RDH12: variants seen among roughly 807,000 people sequenced by gnomAD.
RDH12 encodes retinol dehydrogenase 12, also known as all-trans and 9-cis retinol dehydrogenase.
RDH12 carries 21 observed loss-of-function variants against 34.0 expected under a neutral mutation model. The observed-to-expected ratio is 0.62, with a 90% CI of 0.44 to 0.89. The LOEUF (loss-of-function observed/expected upper bound fraction) is 0.89. RDH12 is among the 40% of genes least tolerant of loss of function. The pLI is 0.00. For synonymous variants in RDH12, 198 were observed against 169.9 expected (o/e 1.17, Z -1.29); for missense variants, 394 against 398.6 (o/e 0.99, Z 0.10).
At chr14:67,710,076 T>C (rs751727652) in intron 1 of RDH12, among the ~76,000 whole-genome samples, 2 of 152,188 alleles carry the variant, frequency 1.3e-5, no homozygotes, top group African/African-American at 2.4e-5. Context: ...GCCTTTGTTT[T>C]AAGTTGTTCC....
At chr14:67,702,668 C>T (rs1008542904) in intron 1 of RDH12, among the ~76,000 whole-genome samples, 7 of 152,096 alleles carry the variant, frequency 4.6e-5, no homozygotes, top group African/African-American at 1.4e-4. Flanking sequence ...ACTTGGAAAA[C>T]CTTTGGGCTT....
At chr14:67,728,385 A>G (rs2038217567) in intron 7 of RDH12, among the ~76,000 whole-genome samples, 2 of 152,214 alleles carry the variant, frequency 1.3e-5, no homozygotes, top group Admixed American at 1.3e-4. Context: ...ATGAAAAGAC[A>G]GGCACTGACA....
At position 67,729,566 on chromosome 14, in the gene RDH12, G is replaced by T. The variant is rs929590525; in HGVS notation, c.848+186G>T. 1.1e-5 allele frequency: 7 copies of T among 664,834 alleles called. No individual in the cohort carries two copies. The African/African-American group carries it at 1.3e-4, about 12-fold the overall frequency. The allele number at this position is 664,834 out of a possible 1,614,324, so 41.2% of individuals were successfully genotyped here. On this transcript the variant is annotated intron_variant, in intron 8 of 8. Transcript: ENST00000551171. ...ACAGTACAAACTTATGTGTTGGGAAGAGTTGCTTTTCTGGCTTTATTTTAT... is the reference window on the plus strand; with the variant it reads ...ACAGTACAAACTTATGTGTTGGGAATAGTTGCTTTTCTGGCTTTATTTTAT...
In RDH12 at chr14:67,733,874, AG is replaced by A. The variant is rs754752265; in HGVS notation, c.*28del. ...CTGGTGGAAGAGCTGCAGCTTTATC[AG>A]GCCCAATCCATGCCATAATGAACAG... On this transcript the variant is annotated 3_prime_UTR_variant, in exon 9 of 9. Transcript: ENST00000551171. The A allele has an allele frequency of 6.5e-7, 1 of 1,535,102 alleles. No individual in the cohort carries two copies.
At chr14:67,712,360 GTTT>G (rs1221196763) in intron 1 of RDH12, among the ~76,000 whole-genome samples, 3 of 151,870 alleles carry the variant, frequency 2.0e-5, no homozygotes, top group Admixed American at 6.6e-5. Context: ...TGTTGTTGTT[GTTT>G]TTTGTTTTTT....
intron 4 of RDH12, 138 bp downstream of exon 4, chr14:67,724,729 T>C (rs2038165200): frequency 2.7e-6 from 2 of 734,814 alleles, no homozygotes; most frequent in African/African-American, 1.7e-5. Flanking sequence ...GGGATTCAAG[T>C]CCAACTGTGA....
At chr14:67,712,970 C>G (rs993073112) in intron 1 of RDH12, among the ~76,000 whole-genome samples, 1 of 151,788 alleles carries the variant, frequency 6.6e-6, no homozygotes, top group Non-Finnish European at 1.5e-5. Flanking sequence ...TTAACCACTT[C>G]AGAGGACTTA....
intron 1 of RDH12, among the ~76,000 whole-genome samples, chr14:67,718,207 T>C (rs909135089): frequency 6.6e-6 from 1 of 152,076 alleles, no homozygotes; most frequent in African/African-American, 2.4e-5. Context: ...CTTAGGGAAG[T>C]TGGGCAGGGC....
chr14:67,713,464 A>C (rs946232942), intron 1 of RDH12, among the ~76,000 whole-genome samples: 2 of 151,116 alleles, frequency 1.3e-5, no homozygotes, highest in Non-Finnish European at 2.9e-5. Flanking sequence ...ATCTTGACCA[A>C]ATTTTGGGAC....
At chr14:67,729,475 T>A in intron 8 of RDH12, 95 bp downstream of exon 8, 1 of 1,256,012 alleles carries the variant, frequency 8.0e-7, no homozygotes, top group African/African-American at 1.5e-5. Context: ...AGTTTGTGCC[T>A]GATGATGCAA....
At chr14:67,709,852 T>C (rs1035334057) in intron 1 of RDH12, among the ~76,000 whole-genome samples, 8 of 152,122 alleles carry the variant, frequency 5.3e-5, no homozygotes, top group Non-Finnish European at 1.2e-4. Context: ...AGGAAATATC[T>C]TGGGCCCCCA....
At chr14:67,727,489 T>TTTTTTTTTTG (rs2038203996) in intron 7 of RDH12, 1 of 354,624 alleles carries the variant, frequency 2.8e-6, no homozygotes, top group Non-Finnish European at 5.4e-6. Context: ...TTTTTTGTTT[T>TTTTTTTTTTG]TTTTTTTTTG....
intron 1 of RDH12, among the ~76,000 whole-genome samples, chr14:67,707,693 C>T (rs1456678047): frequency 6.6e-6 from 1 of 152,184 alleles, no homozygotes; most frequent in African/African-American, 2.4e-5. Flanking sequence ...TTTGATGAAA[C>T]TGTGTTCTGT....
chr14:67,709,818 T>C (rs1201657434), intron 1 of RDH12, among the ~76,000 whole-genome samples: 1 of 152,160 alleles, frequency 6.6e-6, no homozygotes, highest in Non-Finnish European at 1.5e-5. Context: ...CACAAGTACT[T>C]TAAAAGAGCA....
At chr14:67,724,684 G>A (rs2038164794) in intron 4 of RDH12, 93 bp downstream of exon 4, 2 of 977,364 alleles carry the variant, frequency 2.0e-6, no homozygotes, top group Admixed American at 1.8e-5. Context: ...TTTCCTCCTA[G>A]GCTTGGGGGC....
At position 67,727,154 on chromosome 14, in the gene RDH12, G is replaced by T. The variant is rs780078705; in HGVS notation, c.622G>T (p.Val208Leu). The change falls in exon 7 of 9, where the codon GTG (valine) becomes TTG (leucine). Residue 208 changes from valine (V) to leucine (L), a missense_variant. Coordinates refer to ENST00000551171, the MANE Select transcript of RDH12 (RefSeq NM_152443.3). The part of the protein sequence containing the change: ...FAYCHSKLAN[V>L]LFTRELAKRL... ...CTATTGCCACAGCAAGCTGGCCAAT[G>T]TGCTTTTTACTCGTGAGCTGGCCAA... is the stretch of plus-strand genomic sequence containing the variant. The T allele has an allele frequency of 6.2e-7, 1 of 1,614,022 alleles. No homozygotes were observed. Among genetic ancestry groups the T allele is most frequent in the South Asian group, 1.1e-5 (1 of 91,056 alleles).
chr14:67,726,176 A>G, intron 6 of RDH12, 21 bp downstream of exon 6: 7 of 1,382,086 alleles, frequency 5.1e-6, no homozygotes, highest in Non-Finnish European at 7.2e-6. Flanking sequence ...TTGGGTGACT[A>G]AAAAATGAGG....
chr14:67,727,940 CAG>C (rs1385624880), intron 7 of RDH12: 2 of 152,360 alleles, frequency 1.3e-5, no homozygotes, highest in Admixed American at 1.3e-4. Context: ...TGCCTGGACT[CAG>C]GGAGTTAGGG....
chr14:67,732,536 C>A (rs370388266), intron 8 of RDH12, among the ~76,000 whole-genome samples: 336 of 129,764 alleles, frequency 2.6e-3, no homozygotes, highest in South Asian at 4.9e-3. Flanking sequence ...CCAAACAAAG[C>A]AAAAAAAAAA....
Sources: gnomAD v4.1 joint callset for allele counts (sites outside exome capture counted in the v4.1 genomes callset) on GRCh38, gnomAD v4.1.1 for gene constraint, MANE v1.5 for transcripts, NCBI Gene and HGNC (gene_info 2026-07-23, HGNC 2026-07-21) for gene names.